The following INPP4A variants were observed in gnomAD, a reference collection of about 807,000 sequenced individuals.
The protein encoded by INPP4A is inositol polyphosphate-4-phosphatase, type I, 107kD.
A neutral mutation model predicts 119.8 loss-of-function variants in INPP4A; 33 were observed. The ratio of observed to expected loss-of-function variants is 0.28; its 90% CI spans 0.21 to 0.37. The LOEUF (loss-of-function observed/expected upper bound fraction) is 0.37, where lower values mean the gene tolerates loss of function less well. Among genes scored for constraint, INPP4A ranks in the 10% least tolerant of loss-of-function variants. INPP4A has a pLI of 1.00. For missense variants in INPP4A, 956 were observed against 1,289.9 expected, an observed-to-expected ratio of 0.74 and a Z score of 3.97; for synonymous variants, 496 against 500.7, an observed-to-expected ratio of 0.99 and a Z score of 0.12.
intron 4 of INPP4A, among the ~76,000 whole-genome samples, chr2:98,522,872 A>G (rs908897007): frequency 2.2e-4 from 33 of 152,254 alleles, no homozygotes; most frequent in African/African-American, 7.5e-4. Flanking sequence ...ACCTTTAATT[A>G]TATTTTCAAC....
chr2:98,476,788 G>A (rs978470723), intron 1 of INPP4A, among the ~76,000 whole-genome samples: 1 of 152,184 alleles, frequency 6.6e-6, no homozygotes, highest in African/African-American at 2.4e-5. Flanking sequence ...CCTCCAGCCC[G>A]TTCTCTTCCT....
chr2:98,501,035 C>T (rs538172871), intron 1 of INPP4A, among the ~76,000 whole-genome samples: 3 of 152,304 alleles, frequency 2.0e-5, no homozygotes, highest in Non-Finnish European at 4.4e-5. Flanking sequence ...AGGCCAGGTG[C>T]GGTGGGTCAG....
intron 4 of INPP4A, among the ~76,000 whole-genome samples, chr2:98,529,632 A>G (rs1480767895): frequency 6.6e-6 from 1 of 152,120 alleles, no homozygotes; most frequent in Non-Finnish European, 1.5e-5. Flanking sequence ...GCTACTCGGG[A>G]GGCTGAGGCA....
intron 13 of INPP4A, among the ~76,000 whole-genome samples, chr2:98,547,198 G>A (rs1410891170): frequency 6.6e-6 from 1 of 152,230 alleles, no homozygotes; most frequent in Non-Finnish European, 1.5e-5. Flanking sequence ...ATTGCACATG[G>A]TGAAATGTGG....
In INPP4A at chr2:98,589,215, A is replaced by T. The variant is rs1317153264; in HGVS notation, c.*1607A>T. 4 of 180,800 alleles carry T rather than the reference A, an allele frequency of 2.2e-5. No individual in the cohort carries two copies. Among genetic ancestry groups the T allele is most frequent in the Non-Finnish European group, 3.5e-5 (3 of 84,688 alleles). The allele number at this position is 180,800 out of a possible 1,614,324, so 11.2% of individuals were successfully genotyped here. The stretch of plus-strand genomic sequence containing the variant: ...GAGTTCACTGTGGCAGGCAGGAAGC[A>T]GAGAAGCTCCTGCCCGCCAAACCCA... On this transcript the variant is annotated 3_prime_UTR_variant, in exon 25 of 25. Coordinates refer to ENST00000409851, the MANE Select transcript of INPP4A (RefSeq NM_001134225.2).
chr2:98,503,559 TG>T (rs377284225), intron 1 of INPP4A, among the ~76,000 whole-genome samples: 134 of 152,388 alleles, frequency 8.8e-4, no homozygotes, highest in African/African-American at 3.1e-3. Flanking sequence ...CATCTCATTT[TG>T]TCTTGGAGTT....
intron 23 of INPP4A, among the ~76,000 whole-genome samples, chr2:98,573,341 A>G (rs1575146650): frequency 6.6e-6 from 1 of 152,100 alleles, no homozygotes; most frequent in African/African-American, 2.4e-5. Context: ...CCAAGCACTT[A>G]CCCTGCTCAT....
At position 98,567,134 on chromosome 2, in the gene INPP4A, C is replaced by T. The variant is rs956938803; in HGVS notation, c.2420+965C>T. Among the ~76,000 whole-genome samples, 9 of 152,056 alleles carry T rather than the reference C, an allele frequency of 5.9e-5. No homozygotes were observed. In the South Asian group the frequency reaches 6.2e-4, roughly 10 times the overall value. On this transcript the variant is annotated intron_variant, in intron 21 of 24. Transcript: ENST00000409851. Reference sequence around the variant, plus strand: ...AGTAGGTCGTTTCGCTGGCACGTGCCGGGAGGAGATGAAGGGGACAAGTGT... The same window carrying T: ...AGTAGGTCGTTTCGCTGGCACGTGCTGGGAGGAGATGAAGGGGACAAGTGT...
intron 1 of INPP4A, among the ~76,000 whole-genome samples, chr2:98,459,964 G>A (rs1696848770): frequency 6.6e-6 from 1 of 152,184 alleles, no homozygotes; most frequent in South Asian, 2.1e-4. Flanking sequence ...TCAGTTTGCT[G>A]AGTCAAAGGC....
At chr2:98,536,293 G>T in intron 7 of INPP4A, 85 bp downstream of exon 7, 1 of 808,422 alleles carries the variant, frequency 1.2e-6, no homozygotes, top group Non-Finnish European at 2.1e-6. Flanking sequence ...TTCTTATACT[G>T]AGAGAGCACC....
At chr2:98,555,857 G>A (rs1575067792) in intron 16 of INPP4A, 49 bp downstream of exon 16, 1 of 1,511,992 alleles carries the variant, frequency 6.6e-7, no homozygotes, top group Non-Finnish European at 8.9e-7. Flanking sequence ...TTCACCTTGT[G>A]CTGCTTCCAT....
chr2:98,583,817 A>T (rs2106554537), intron 24 of INPP4A, among the ~76,000 whole-genome samples: 1 of 152,274 alleles, frequency 6.6e-6, no homozygotes, highest in African/African-American at 2.4e-5. Context: ...CTCATTCAGT[A>T]TCAGCTCAGA....
chr2:98,533,320 A>G (rs1689604206), intron 4 of INPP4A, 57 bp from the exon 5 acceptor site: 1 of 1,123,608 alleles, frequency 8.9e-7, no homozygotes, highest in Admixed American at 1.7e-5. Context: ...TTGGAACAGA[A>G]AACTAATCAG....
chr2:98,456,241 G>T (rs1696117011), intron 1 of INPP4A, among the ~76,000 whole-genome samples: 2 of 152,194 alleles, frequency 1.3e-5, no homozygotes, highest in Admixed American at 6.5e-5. Flanking sequence ...GAAAAAAAGG[G>T]CTTCAAATGT....
intron 1 of INPP4A, among the ~76,000 whole-genome samples, chr2:98,483,655 C>T (rs202025098): frequency 2.0e-5 from 3 of 152,308 alleles, no homozygotes; most frequent in East Asian, 3.9e-4. Flanking sequence ...TGCCTCAAAA[C>T]ACCTCATCAT....
At chr2:98,575,188 A>C (rs1698211556) in intron 23 of INPP4A, among the ~76,000 whole-genome samples, 1 of 152,246 alleles carries the variant, frequency 6.6e-6, no homozygotes, top group Admixed American at 6.5e-5. Flanking sequence ...GTCTAAGCCT[A>C]TATCTCATGG....
At chr2:98,538,063 C>A in intron 8 of INPP4A, 89 bp downstream of exon 8, 1 of 859,340 alleles carries the variant, frequency 1.2e-6, no homozygotes, top group South Asian at 1.6e-5. Context: ...AGCCTCTGTG[C>A]TCAGCAAAGG....
intron 24 of INPP4A, among the ~76,000 whole-genome samples, chr2:98,580,635 T>C (rs1176074435): frequency 6.6e-6 from 1 of 152,212 alleles, no homozygotes; most frequent in Non-Finnish European, 1.5e-5. Context: ...AATGGCACAT[T>C]CCAGCAGGGC....
At position 98,541,975 on chromosome 2, in the gene INPP4A, G is replaced by A. The variant is rs565165073; in HGVS notation, c.819-1902G>A. On this transcript the variant is annotated intron_variant, in intron 10 of 24. Transcript: ENST00000409851. ...CATGTCAGGCACTGTTCTCAGTGTG[G>A]GAGGCTTCTTGGTGAGCTCAACGTG... 1.4e-4 allele frequency among the ~76,000 whole-genome samples: 21 copies of A among 152,338 alleles called. 1 individual carries two copies. Among genetic ancestry groups the A allele is most frequent in the Non-Finnish European group, 2.9e-5 (2 of 68,020 alleles).
Sources: gnomAD v4.1 joint callset for allele counts (sites outside exome capture counted in the v4.1 genomes callset) on GRCh38, gnomAD v4.1.1 for gene constraint, MANE v1.5 for transcripts, NCBI Gene and HGNC (gene_info 2026-07-23, HGNC 2026-07-21) for gene names.